The following PRKG1 variants were observed in gnomAD, a reference collection of about 807,000 sequenced individuals.
PRKG1 encodes cGMP-dependent protein kinase 1.
A neutral mutation model predicts 88.1 loss-of-function variants in PRKG1; 35 were observed. That is an observed-to-expected ratio of 0.40 (90% CI 0.30 to 0.53). The LOEUF (loss-of-function observed/expected upper bound fraction) is 0.53, where lower values mean the gene tolerates loss of function less well. PRKG1 is among the 20% of genes least tolerant of loss of function. The pLI is 0.59. For synonymous variants in PRKG1, 303 were observed against 292.5 expected, an observed-to-expected ratio of 1.04 and a Z score of -0.37; for missense variants, 540 against 839.8, an observed-to-expected ratio of 0.64 and a Z score of 4.41.
At chr10:52,167,767 T>G (rs536790202) in intron 9 of PRKG1, among the ~76,000 whole-genome samples, 1 of 152,318 alleles carries the variant, frequency 6.6e-6, no homozygotes, top group African/African-American at 2.4e-5. Context: ...TGCCCTAGGC[T>G]CCATCCTTCA....
chr10:51,411,220 CA>C (rs1487844988), intron 2 of PRKG1, among the ~76,000 whole-genome samples: 1 of 152,070 alleles, frequency 6.6e-6, no homozygotes, highest in Non-Finnish European at 1.5e-5. Flanking sequence ...AGGCTGGTCT[CA>C]AACTCCTGAC....
At chr10:51,177,489 A>G (rs1283561217) in intron 2 of PRKG1, among the ~76,000 whole-genome samples, 1 of 152,016 alleles carries the variant, frequency 6.6e-6, no homozygotes, top group Non-Finnish European at 1.5e-5. Context: ...TACTCTAAAG[A>G]CTCCAAGCCT....
intron 1 of PRKG1, among the ~76,000 whole-genome samples, chr10:51,134,776 G>A (rs1282676716): frequency 6.6e-6 from 1 of 152,002 alleles, no homozygotes; most frequent in Non-Finnish European, 1.5e-5. Flanking sequence ...ACCTGGAATG[G>A]CATACCACTT....
chr10:51,206,183 T>C (rs139145741), intron 2 of PRKG1, among the ~76,000 whole-genome samples: 61 of 152,230 alleles, frequency 4.0e-4, no homozygotes, highest in African/African-American at 1.4e-3. Flanking sequence ...GAGGGGCTAC[T>C]TGCCTGTCAA....
intron 1 of PRKG1, among the ~76,000 whole-genome samples, chr10:51,033,073 T>G (rs1843306550): frequency 6.6e-6 from 1 of 152,186 alleles, no homozygotes; most frequent in Non-Finnish European, 1.5e-5. Context: ...CATGACTTTC[T>G]GTATTCCCTG....
intron 3 of PRKG1, among the ~76,000 whole-genome samples, chr10:51,676,151 T>C (rs914506195): frequency 6.6e-6 from 1 of 151,804 alleles, no homozygotes; most frequent in African/African-American, 2.4e-5. Flanking sequence ...CATTGTTCAG[T>C]AGAGCAATAG....
In PRKG1 at chr10:52,295,001, T is replaced by G. The variant is rs1842351877; in HGVS notation, c.*1101T>G. 1 of 152,578 alleles carries G rather than the reference T, an allele frequency of 6.6e-6. No individual in the cohort carries two copies. 9.5% of individuals were successfully genotyped at this position (152,578 alleles called of 1,614,324 possible). A position where few individuals can be genotyped will look rare whatever the true frequency, so the allele number is the denominator to read the frequency against. ...CCAAACTCCTGTCCAATTTCACTTATACAACATAGTCAGTCTAGAGTTGAG... is the reference window on the plus strand; with the variant it reads ...CCAAACTCCTGTCCAATTTCACTTAGACAACATAGTCAGTCTAGAGTTGAG... On this transcript the variant is annotated 3_prime_UTR_variant, in exon 18 of 18. Coordinates refer to ENST00000373980, the MANE Select transcript of PRKG1 (RefSeq NM_006258.4).
At chr10:51,220,334 A>G (rs1011339334) in intron 2 of PRKG1, among the ~76,000 whole-genome samples, 6 of 152,312 alleles carry the variant, frequency 3.9e-5, no homozygotes, top group Middle Eastern at 3.4e-3. Context: ...GACCTAAAGA[A>G]ACTAAGAGAT....
chr10:51,944,776 T>G (rs1178405770), intron 5 of PRKG1, among the ~76,000 whole-genome samples: 1 of 152,110 alleles, frequency 6.6e-6, no homozygotes, highest in Non-Finnish European at 1.5e-5. Flanking sequence ...TGAGTGAGTT[T>G]CTTAATCCTG....
intron 10 of PRKG1, among the ~76,000 whole-genome samples, chr10:52,270,885 A>T (rs558532252): frequency 5.2e-4 from 78 of 151,250 alleles, no homozygotes; most frequent in East Asian, 1.2e-3. Flanking sequence ...ATAAAATTTT[A>T]AAAAAAAGAT....
intron 1 of PRKG1, among the ~76,000 whole-genome samples, chr10:50,999,418 G>T (rs555684368): frequency 6.6e-6 from 1 of 152,290 alleles, no homozygotes; most frequent in African/African-American, 2.4e-5. Flanking sequence ...TGTTTTATTT[G>T]TAATAGGTAT....
intron 4 of PRKG1, among the ~76,000 whole-genome samples, chr10:51,903,219 C>G (rs947441383): frequency 6.6e-6 from 1 of 151,994 alleles, no homozygotes; most frequent in Non-Finnish European, 1.5e-5. Context: ...AGAGGAATAA[C>G]AGCCAAAAGC....
rs188115338 is a variant in PRKG1 at position 51,426,004 on chromosome 10, G to A, written c.479-41719G>A. Reference sequence around the variant, plus strand: ...AAATGAACAAAAGGCAGCTAGGAGCGGTGGCTCATGCCTGTAATCCCAGCA... The same window carrying A: ...AAATGAACAAAAGGCAGCTAGGAGCAGTGGCTCATGCCTGTAATCCCAGCA... On this transcript the variant is annotated intron_variant, in intron 2 of 17. Transcript: ENST00000373980. Among the ~76,000 whole-genome samples the A allele has an allele frequency of 6.8e-3, 1,029 of 152,290 alleles. 14 individuals are homozygous for A. Among genetic ancestry groups the A allele is most frequent in the African/African-American group, 0.024 (990 of 41,566 alleles).
intron 9 of PRKG1, among the ~76,000 whole-genome samples, chr10:52,212,224 A>G (rs1463738914): frequency 1.3e-5 from 2 of 152,346 alleles, no homozygotes; most frequent in South Asian, 4.1e-4. Flanking sequence ...GTTACAGCTC[A>G]GCATCTGCTT....
intron 9 of PRKG1, among the ~76,000 whole-genome samples, chr10:52,232,849 TTATGA>T (rs1840558799): frequency 6.6e-6 from 1 of 152,178 alleles, no homozygotes. Flanking sequence ...CAATTTCCTG[TTATGA>T]TGAGGTCAAA....
At chr10:50,993,362 C>A (rs751745386) in intron 1 of PRKG1, among the ~76,000 whole-genome samples, 7 of 152,216 alleles carry the variant, frequency 4.6e-5, no homozygotes, top group Non-Finnish European at 1.0e-4. Context: ...CACCTTTGGG[C>A]CCATCTTGCC....
intron 7 of PRKG1, among the ~76,000 whole-genome samples, chr10:52,089,485 T>G (rs978066975): frequency 1.3e-5 from 2 of 152,160 alleles, no homozygotes; most frequent in African/African-American, 4.8e-5. Flanking sequence ...CACATCCAGA[T>G]GTTTATTTTA....
intron 7 of PRKG1, among the ~76,000 whole-genome samples, chr10:52,118,911 C>A (rs1268041530): frequency 6.6e-6 from 1 of 152,022 alleles, no homozygotes; most frequent in Non-Finnish European, 1.5e-5. Context: ...TTGCATATTT[C>A]TTTTCCTTAA....
Position 51,654,004 on chromosome 10 carries a change from T to C in PRKG1, c.593-150581T>C, listed in dbSNP as rs1408403377. On this transcript the variant is annotated intron_variant, in intron 3 of 17. Coordinates refer to ENST00000373980, the MANE Select transcript of PRKG1 (RefSeq NM_006258.4). ...CAATTCCAAGATTATGTGTTCATTC[T>C]GTTGTTTACTTTGCCATGCAGAAGC... Among the ~76,000 whole-genome samples, 5 of 152,348 alleles carry C rather than the reference T, an allele frequency of 3.3e-5. No individual in the cohort carries two copies. The East Asian group carries it at 9.6e-4, about 29-fold the overall frequency.
Sources: allele counts gnomAD v4.1 joint callset (sites outside exome capture counted in the v4.1 genomes callset), GRCh38; gene constraint gnomAD v4.1.1; transcripts MANE v1.5; gene names NCBI Gene and HGNC (gene_info 2026-07-23, HGNC 2026-07-21).